The following GABBR1 variants were observed in gnomAD, a reference collection of about 807,000 sequenced individuals.
The protein encoded by GABBR1 is GABA-B receptor, R1 subunit.
Under a neutral mutation model 117.7 loss-of-function variants are expected in GABBR1, and 35 were observed. The ratio of observed to expected loss-of-function variants is 0.30; its 90% CI spans 0.23 to 0.39. The LOEUF (loss-of-function observed/expected upper bound fraction) is 0.39, where lower values mean the gene tolerates loss of function less well. Ranked by LOEUF, GABBR1 falls within the 10% of genes least tolerant of loss-of-function variation. The probability of loss-of-function intolerance (pLI) is 1.00; values close to 1 mark genes in which losing one functional copy is unlikely to be tolerated. For missense variants in GABBR1, 709 were observed against 1,241.8 expected (o/e 0.57, Z 6.45); for synonymous variants, 442 against 486.6 (o/e 0.91, Z 1.21).
chr6:29,630,688 G>C lies in GABBR1; in HGVS notation c.290-45C>G, dbSNP rs777156047. 3.2e-6 allele frequency: 5 copies of C among 1,543,554 alleles called. No homozygotes were observed. The highest frequency in any genetic ancestry group is 1.1e-5 in the South Asian group (1 of 88,218). On this transcript the variant is annotated intron_variant, in intron 3 of 22. Coordinates refer to ENST00000377034, the MANE Select transcript of GABBR1 (RefSeq NM_001470.4). The surrounding 1 kb of genome is among the most constrained non-coding windows in gnomAD (Gnocchi z 4.9). ...TAAGAAGAGAGGCGAGTTGAAGAAG[G>C]CTCTTTCCCTTTAAAGAGCAGGGGA...
Position 29,632,528 on chromosome 6 carries a change from C to A in GABBR1, c.1-143G>T. 1.1e-6 allele frequency: 1 copy of A among 920,444 alleles called. No homozygotes were observed. Among genetic ancestry groups the A allele is most frequent in the Non-Finnish European group, 1.5e-6 (1 of 660,210 alleles). 57.0% of individuals were successfully genotyped at this position (920,444 alleles called of 1,614,324 possible). A position where few individuals can be genotyped will look rare whatever the true frequency, so the allele number is the denominator to read the frequency against. ...CCAAGAGAGCGCCCCGCGGAGGAGGCGGGGGCGGAGCCCCGCGCGGGGTGG... is the reference window on the plus strand; with the variant it reads ...CCAAGAGAGCGCCCCGCGGAGGAGGAGGGGGCGGAGCCCCGCGCGGGGTGG... On this transcript the variant is annotated intron_variant, in intron 1 of 22. Transcript: ENST00000377034. The surrounding 1 kb of genome is among the most constrained non-coding windows in gnomAD (Gnocchi z 5.8).
chr6:29,625,511 C>T (rs544632063), intron 6 of GABBR1, among the ~76,000 whole-genome samples: 2 of 152,196 alleles, frequency 1.3e-5, no homozygotes, highest in Non-Finnish European at 2.9e-5. Flanking sequence ...CAGATTCTCT[C>T]CACCACGTGA....
Position 29,632,540 on chromosome 6 carries a change from C to G in GABBR1, c.1-155G>C. ...CCCGCGGAGGAGGCGGGGGCGGAGC[C>G]CCGCGCGGGGTGGGGGGAGAGGAGG... On this transcript the variant is annotated intron_variant, in intron 1 of 22. Coordinates refer to ENST00000377034, the MANE Select transcript of GABBR1 (RefSeq NM_001470.4). The surrounding 1 kb of genome is among the most constrained non-coding windows in gnomAD (Gnocchi z 5.8). 2 of 911,814 alleles carry G rather than the reference C, an allele frequency of 2.2e-6. No individual in the cohort carries two copies. The highest frequency in any genetic ancestry group is 3.1e-6 in the Non-Finnish European group (2 of 652,034). The allele number at this position is 911,814 out of a possible 1,614,324, so 56.5% of individuals were successfully genotyped here. A position where few individuals can be genotyped will look rare whatever the true frequency, so the allele number is the denominator to read the frequency against.
chr6:29,606,320 C>A lies in GABBR1; in HGVS notation c.2311+71G>T, dbSNP rs1761949001. On this transcript the variant is annotated intron_variant, in intron 19 of 22. Coordinates refer to ENST00000377034, the MANE Select transcript of GABBR1 (RefSeq NM_001470.4). This position sits in a 1 kb window ranked among gnomAD's most constrained non-coding sequence, Gnocchi z 4.5. ...CCTCTTCCAAAGACCCCTCTCCCTC[C>A]AAGCCCTCTACCCCTGCCTTCCCTC... The A allele has an allele frequency of 1.8e-6, 2 of 1,115,576 alleles. No homozygotes were observed. Among genetic ancestry groups the A allele is most frequent in the Non-Finnish European group, 2.7e-6 (2 of 728,198 alleles). The allele number at this position is 1,115,576 out of a possible 1,614,324, so 69.1% of individuals were successfully genotyped here.
Position 29,621,864 on chromosome 6 carries a change from T to C in GABBR1, c.1066-47A>G. 6.3e-7 allele frequency: 1 copy of C among 1,591,924 alleles called. No homozygotes were observed. The highest frequency in any genetic ancestry group is 8.6e-7 in the Non-Finnish European group (1 of 1,160,144). ...CTCCTGAGGGATGCCCGGGAATGCC[T>C]GAGGGGCTAAGCCAGATGTCTTCAC... is the stretch of plus-strand genomic sequence containing the variant. On this transcript the variant is annotated intron_variant, in intron 9 of 22. Transcript: ENST00000377034. This position sits in a 1 kb window ranked among gnomAD's most constrained non-coding sequence, Gnocchi z 5.0.
At position 29,627,418 on chromosome 6, in the gene GABBR1, G is replaced by T; in HGVS notation, c.657+68C>A. 6.9e-7 allele frequency: 1 copy of T among 1,454,278 alleles called. No homozygotes were observed. Among genetic ancestry groups the T allele is most frequent in the Non-Finnish European group, 9.4e-7 (1 of 1,069,330 alleles). The allele number at this position is 1,454,278 out of a possible 1,614,324, so 90.1% of individuals were successfully genotyped here. A position where few individuals can be genotyped will look rare whatever the true frequency, so the allele number is the denominator to read the frequency against. On this transcript the variant is annotated intron_variant, in intron 6 of 22. Coordinates refer to ENST00000377034, the MANE Select transcript of GABBR1 (RefSeq NM_001470.4). The surrounding 1 kb of genome is among the most constrained non-coding windows in gnomAD (Gnocchi z 4.4). Reference sequence around the variant, plus strand: ...AGAGACGACTCAGACAGATGGGGGCGCGTGCAGCTGGCTGGCCCCCTGCCC... The same window carrying T: ...AGAGACGACTCAGACAGATGGGGGCTCGTGCAGCTGGCTGGCCCCCTGCCC...
At chr6:29,612,682 C>T (rs1348697827) in intron 12 of GABBR1, 68 bp from the exon 13 acceptor site, 3 of 1,304,206 alleles carry the variant, frequency 2.3e-6, no homozygotes, top group Admixed American at 3.4e-5. Flanking sequence ...ACATCAGGGA[C>T]TCTTTAAATC....
At chr6:29,608,158 C>G (rs1762148696) in intron 16 of GABBR1, among the ~76,000 whole-genome samples, 1 of 152,342 alleles carries the variant, frequency 6.6e-6, no homozygotes, top group Non-Finnish European at 1.5e-5. Flanking sequence ...CCCCTCCTCC[C>G]TGTGTGGCAG....
In GABBR1 at chr6:29,606,577, A is replaced by G; in HGVS notation, c.2218-93T>C. On this transcript the variant is annotated intron_variant, in intron 18 of 22. Coordinates refer to ENST00000377034, the MANE Select transcript of GABBR1 (RefSeq NM_001470.4). This position sits in a 1 kb window ranked among gnomAD's most constrained non-coding sequence, Gnocchi z 4.5. ...GTCTCTGGCTTCCAACTGTTTTCCT[A>G]TGAGACCCTCAATGCTGATGCCAAA... The G allele has an allele frequency of 3.4e-6, 3 of 895,080 alleles. No individual in the cohort carries two copies. Among genetic ancestry groups the G allele is most frequent in the Non-Finnish European group, 5.7e-6 (3 of 530,246 alleles). 55.4% of individuals were successfully genotyped at this position (895,080 alleles called of 1,614,324 possible).
rs1177380602 is a variant in GABBR1, at chr6:29,630,823, C to T, written c.290-180G>A. ...TCCCTTACCTGTGCAAGCATCCACA[C>T]ATTCCCAAAAGAAAAAAAAAATTAC... On this transcript the variant is annotated intron_variant, in intron 3 of 22. Coordinates refer to ENST00000377034, the MANE Select transcript of GABBR1 (RefSeq NM_001470.4). The surrounding 1 kb of genome is among the most constrained non-coding windows in gnomAD (Gnocchi z 4.9). Among the ~76,000 whole-genome samples the T allele has an allele frequency of 6.6e-6, 1 of 151,998 alleles. No homozygotes were observed. Among genetic ancestry groups the T allele is most frequent in the Non-Finnish European group, 1.5e-5 (1 of 68,012 alleles).
In GABBR1 at chr6:29,606,710, C is replaced by T. The variant is rs1482451962; in HGVS notation, c.2217+187G>A. ...CACCCTTCCCAGATTCCCACCCCTT[C>T]CTTTCTTCAGCTGAATCTGGAGGCC... On this transcript the variant is annotated intron_variant, in intron 18 of 22. Transcript: ENST00000377034. This position sits in a 1 kb window ranked among gnomAD's most constrained non-coding sequence, Gnocchi z 4.5. 2.2e-5 allele frequency: 14 copies of T among 636,404 alleles called. No individual in the cohort carries two copies. The highest frequency in any genetic ancestry group is 3.8e-5 in the Non-Finnish European group (14 of 365,430). The allele number at this position is 636,404 out of a possible 1,614,324, so 39.4% of individuals were successfully genotyped here.
chr6:29,608,496 G>A, intron 16 of GABBR1, 105 bp downstream of exon 16: 1 of 1,231,360 alleles, frequency 8.1e-7, no homozygotes, highest in Non-Finnish European at 1.2e-6. Flanking sequence ...ACAAGAGTCA[G>A]GGAAAGCTGA....
In GABBR1 at chr6:29,627,919, G is replaced by A; in HGVS notation, c.497-273C>T. Reference sequence around the variant, plus strand: ...CCTGATTTTGTGGGGAGGAGGGGGCGAGGGCCCCGGAGAAGCAGGGAAGGT... The same window carrying A: ...CCTGATTTTGTGGGGAGGAGGGGGCAAGGGCCCCGGAGAAGCAGGGAAGGT... On this transcript the variant is annotated intron_variant, in intron 5 of 22. Coordinates refer to ENST00000377034, the MANE Select transcript of GABBR1 (RefSeq NM_001470.4). The surrounding 1 kb of genome is among the most constrained non-coding windows in gnomAD (Gnocchi z 4.4). The A allele has an allele frequency of 7.3e-7, 1 of 1,360,614 alleles. No individual in the cohort carries two copies. Among genetic ancestry groups the A allele is most frequent in the Non-Finnish European group, 9.4e-7 (1 of 1,065,574 alleles). 84.3% of individuals were successfully genotyped at this position (1,360,614 alleles called of 1,614,324 possible). A position where few individuals can be genotyped will look rare whatever the true frequency, so the allele number is the denominator to read the frequency against.
Position 29,607,222 on chromosome 6 carries a change from G to C in GABBR1, c.1993-4C>G, listed in dbSNP as rs769523341. 3.1e-6 allele frequency: 5 copies of C among 1,611,768 alleles called. No homozygotes were observed. The highest frequency in any genetic ancestry group is 4.2e-6 in the Non-Finnish European group (5 of 1,178,080). On this transcript the variant is annotated splice_polypyrimidine_tract_variant and splice_region_variant and intron_variant, in intron 16 of 22. Coordinates refer to ENST00000377034, the MANE Select transcript of GABBR1 (RefSeq NM_001470.4). This position sits in a 1 kb window ranked among gnomAD's most constrained non-coding sequence, Gnocchi z 5.0. ...GGCCCAGGAGCCAGAGGCGGGCCTA[G>C]AAAGGAAGAGAGGGCACAGGCAGAA...
Position 29,605,760 on chromosome 6 carries a change from T to A in GABBR1, c.2312-64A>T. On this transcript the variant is annotated intron_variant, in intron 19 of 22. Transcript: ENST00000377034. The surrounding 1 kb of genome is among the most constrained non-coding windows in gnomAD (Gnocchi z 4.2). ...CACAATGCTCCTCACTCAATCCCCATCCCCTCTCTGCCCTTCACCTACTCT... is the reference window on the plus strand; with the variant it reads ...CACAATGCTCCTCACTCAATCCCCAACCCCTCTCTGCCCTTCACCTACTCT... 1.3e-6 allele frequency: 2 copies of A among 1,578,512 alleles called. No individual in the cohort carries two copies. The highest frequency in any genetic ancestry group is 2.3e-5 in the South Asian group (2 of 87,364).
At position 29,623,053 on chromosome 6, in the gene GABBR1, G is replaced by A. The variant is rs1425550119; in HGVS notation, c.963+252C>T. On this transcript the variant is annotated intron_variant, in intron 8 of 22. Transcript: ENST00000377034. The surrounding 1 kb of genome is among the most constrained non-coding windows in gnomAD (Gnocchi z 6.2). ...ACTTTAACAGAACTGAGTCATTCTG[G>A]GTCTATATGTCTGGGGAACAGGGCA... 6.6e-6 allele frequency among the ~76,000 whole-genome samples: 1 copy of A among 151,896 alleles called. No individual in the cohort carries two copies. Among genetic ancestry groups the A allele is most frequent in the African/African-American group, 2.4e-5 (1 of 41,326 alleles).
Position 29,609,453 on chromosome 6 carries a change from G to T in GABBR1, c.1709-74C>A. 1 of 1,333,510 alleles carries T rather than the reference G, an allele frequency of 7.5e-7. No individual in the cohort carries two copies. Among genetic ancestry groups the T allele is most frequent in the Non-Finnish European group, 1.1e-6 (1 of 941,678 alleles). The allele number at this position is 1,333,510 out of a possible 1,614,324, so 82.6% of individuals were successfully genotyped here. ...AGGACAAAGGAATGAAGACGGGATA[G>T]GAGAAAAGGGCAAAGAACTAGATTG... On this transcript the variant is annotated intron_variant, in intron 14 of 22. Transcript: ENST00000377034. This position sits in a 1 kb window ranked among gnomAD's most constrained non-coding sequence, Gnocchi z 4.3.
chr6:29,628,062 A>AG, intron 5 of GABBR1: 2 of 884,514 alleles, frequency 2.3e-6, no homozygotes, highest in Non-Finnish European at 2.6e-6. Context: ...TGGGGCTGGG[A>AG]GGGGGCTCTG....
At position 29,604,357 on chromosome 6, in the gene GABBR1, G is replaced by T; in HGVS notation, c.2712+137C>A. 3 of 1,026,700 alleles carry T rather than the reference G, an allele frequency of 2.9e-6. No homozygotes were observed. The highest frequency in any genetic ancestry group is 4.5e-6 in the Non-Finnish European group (3 of 664,562). 63.6% of individuals were successfully genotyped at this position (1,026,700 alleles called of 1,614,324 possible). A position where few individuals can be genotyped will look rare whatever the true frequency, so the allele number is the denominator to read the frequency against. Reference sequence around the variant, plus strand: ...TATGCTGCTCCATTCACTCCTTACAGGTTGTCTCCTAGGACCCTCCCTCCA... The same window carrying T: ...TATGCTGCTCCATTCACTCCTTACATGTTGTCTCCTAGGACCCTCCCTCCA... On this transcript the variant is annotated intron_variant, in intron 22 of 22. Coordinates refer to ENST00000377034, the MANE Select transcript of GABBR1 (RefSeq NM_001470.4). The surrounding 1 kb of genome is among the most constrained non-coding windows in gnomAD (Gnocchi z 5.3).
Sources: allele counts gnomAD v4.1 joint callset (sites outside exome capture counted in the v4.1 genomes callset), GRCh38; gene constraint gnomAD v4.1.1; non-coding constraint Gnocchi (gnomAD v3.1); transcripts MANE v1.5; gene names NCBI Gene and HGNC (gene_info 2026-07-23, HGNC 2026-07-21).